Variants in MLIP observed in about 807,000 individuals in gnomAD.
The protein encoded by MLIP is muscular LMNA-interacting protein.
Under a neutral mutation model 84.8 loss-of-function variants are expected in MLIP, and 79 were observed. That is an observed-to-expected ratio of 0.93 (90% CI 0.78 to 1.12). MLIP has a LOEUF of 1.12. Ranked by LOEUF, MLIP falls within the 50% of genes most tolerant of loss-of-function variation. The probability of loss-of-function intolerance (pLI) is 0.00; values close to 1 mark genes in which losing one functional copy is unlikely to be tolerated. For missense variants in MLIP, 1,257 were observed against 1,160.6 expected (o/e 1.08, Z -1.21); for synonymous variants, 504 against 463.0 (o/e 1.09, Z -1.14).
At position 54,137,213 on chromosome 6, in the gene MLIP, T is replaced by C; in HGVS notation, c.1144T>C (p.Ser382Pro). The C allele has an allele frequency of 6.5e-7, 1 of 1,535,934 alleles. No homozygotes were observed. Among genetic ancestry groups the C allele is most frequent in the Non-Finnish European group, 8.7e-7 (1 of 1,146,864 alleles). Residue 382 changes from serine to proline, a missense_variant, in exon 4 of 14, where the codon TCC becomes CCC. Physicochemically the swap from Ser to Pro is moderately conservative, Grantham distance 74. Transcript: ENST00000502396. ...SLSPSPKPFTSSFHGSSSTIC... is the reference protein window; with the variant it reads ...SLSPSPKPFTPSFHGSSSTIC... ...CTCTCCGAGCCCCAAACCATTTACC[T>C]CCTCTTTCCACGGCTCTTCTTCCAC...
Position 54,153,049 on chromosome 6 carries a change from A to C in MLIP, c.2289+3922A>C, listed in dbSNP as rs536738371. Among the ~76,000 whole-genome samples, 7 of 152,288 alleles carry C rather than the reference A, an allele frequency of 4.6e-5. No homozygotes were observed. The South Asian group carries it at 1.4e-3, about 32-fold the overall frequency. ...TGGGGCTAGGTACAATGTTCCTAAT[A>C]AATGGCATTACTCTTTGCCATTTTC... On this transcript the variant is annotated intron_variant, in intron 5 of 13. Coordinates refer to ENST00000502396, the MANE Select transcript of MLIP (RefSeq NM_001281747.2).
intron 1 of MLIP, among the ~76,000 whole-genome samples, chr6:54,028,423 T>C (rs1763942744): frequency 1.3e-5 from 2 of 152,306 alleles, no homozygotes; most frequent in South Asian, 4.1e-4. Context: ...TAGGATTGCT[T>C]TCCTGAACCT....
At chr6:54,203,560 C>T (rs1016451196) in intron 11 of MLIP, 1 of 152,068 alleles carries the variant, frequency 6.6e-6, no homozygotes, top group Admixed American at 6.6e-5. Flanking sequence ...GGTGTTATCT[C>T]TCTAGGCTTC....
At chr6:54,180,922 A>T (rs572125953) in intron 9 of MLIP, among the ~76,000 whole-genome samples, 1 of 152,092 alleles carries the variant, frequency 6.6e-6, no homozygotes, top group African/African-American at 2.4e-5. Context: ...GTGTCTCAAC[A>T]TTGAAGAGTT....
intron 1 of MLIP, among the ~76,000 whole-genome samples, chr6:54,097,208 T>A (rs1768276851): frequency 6.6e-6 from 1 of 152,182 alleles, no homozygotes; most frequent in Admixed American, 6.5e-5. Context: ...TTGTTTGAGA[T>A]CTCTTCTTGC....
At chr6:54,027,469 T>C (rs1490413944) in intron 1 of MLIP, among the ~76,000 whole-genome samples, 1 of 152,168 alleles carries the variant, frequency 6.6e-6, no homozygotes, top group Non-Finnish European at 1.5e-5. Flanking sequence ...AAATGGTTTC[T>C]TTTATTCATT....
intron 11 of MLIP, chr6:54,217,281 C>G: frequency 1.0e-6 from 1 of 985,250 alleles, no homozygotes; most frequent in East Asian, 1.1e-4. Flanking sequence ...TTTAAAATGC[C>G]AGGATGGAAC....
chr6:54,165,107 C>T (rs945748555), intron 8 of MLIP, among the ~76,000 whole-genome samples: 1 of 151,870 alleles, frequency 6.6e-6, no homozygotes, highest in Non-Finnish European at 1.5e-5. Context: ...ATGCCTGGTG[C>T]CTGGGGTGGC....
At chr6:54,243,022 C>T (rs952306091) in intron 12 of MLIP, among the ~76,000 whole-genome samples, 1 of 152,144 alleles carries the variant, frequency 6.6e-6, no homozygotes, top group Non-Finnish European at 1.5e-5. Flanking sequence ...CACTGGAAAG[C>T]CAGCAGACAG....
At chr6:54,171,028 T>A (rs1389982695) in intron 9 of MLIP, among the ~76,000 whole-genome samples, 3 of 151,528 alleles carry the variant, frequency 2.0e-5, no homozygotes, top group Admixed American at 6.6e-5. Flanking sequence ...TTTTATCTAC[T>A]CTTGCCTTTC....
chr6:54,126,338 G>T (rs1381520641), intron 3 of MLIP, among the ~76,000 whole-genome samples: 3 of 151,838 alleles, frequency 2.0e-5, no homozygotes, highest in Non-Finnish European at 2.9e-5. Context: ...ATTTTTGTGT[G>T]TTCAAATATA....
chr6:54,216,787 A>G (rs1582530886), intron 11 of MLIP: 1 of 985,344 alleles, frequency 1.0e-6, no homozygotes, highest in Non-Finnish European at 1.2e-6. Context: ...AAGATATGCC[A>G]TATAATCGAA....
At chr6:54,166,759 C>G (rs936710062) in intron 8 of MLIP, among the ~76,000 whole-genome samples, 1 of 151,916 alleles carries the variant, frequency 6.6e-6, no homozygotes, top group Non-Finnish European at 1.5e-5. Context: ...GCCGACAACT[C>G]TATTTCTAGT....
At chr6:54,134,348 T>A (rs1771632929) in intron 3 of MLIP, among the ~76,000 whole-genome samples, 1 of 152,090 alleles carries the variant, frequency 6.6e-6, no homozygotes, top group Non-Finnish European at 1.5e-5. Flanking sequence ...GAGAATTTTA[T>A]AAAATATGGT....
chr6:54,106,629 A>G (rs1769039029), upstream of MLIP, among the ~76,000 whole-genome samples: 1 of 152,246 alleles, frequency 6.6e-6, no homozygotes, highest in Non-Finnish European at 1.5e-5. Context: ...GAAGAATAAT[A>G]TGAACTCATT....
intron 9 of MLIP, among the ~76,000 whole-genome samples, chr6:54,186,309 T>C (rs973157359): frequency 1.3e-5 from 2 of 152,220 alleles, no homozygotes; most frequent in Non-Finnish European, 2.9e-5. Flanking sequence ...GCCAAGCATA[T>C]TTATAATTAT....
chr6:54,264,262 A>G (rs1475944462), intron 13 of MLIP, among the ~76,000 whole-genome samples: 1 of 152,060 alleles, frequency 6.6e-6, no homozygotes, highest in Non-Finnish European at 1.5e-5. Context: ...TATTTTATTT[A>G]ATGTTATAAT....
intron 12 of MLIP, among the ~76,000 whole-genome samples, chr6:54,238,062 T>TA (rs1395446812): frequency 6.6e-6 from 1 of 152,192 alleles, no homozygotes; most frequent in Non-Finnish European, 1.5e-5. Flanking sequence ...ATTATTTTTT[T>TA]ATCTTTGAAG....
At chr6:54,107,543 G>A (rs1769107258), upstream of MLIP, among the ~76,000 whole-genome samples, 1 of 152,192 alleles carries the variant, frequency 6.6e-6, no homozygotes, top group Admixed American at 6.5e-5. Context: ...AGGAAAAAGG[G>A]CTGAGCAGAA....
Sources: allele counts gnomAD v4.1 joint callset (sites outside exome capture counted in the v4.1 genomes callset), GRCh38; gene constraint gnomAD v4.1.1; transcripts MANE v1.5; gene names NCBI Gene and HGNC (gene_info 2026-07-23, HGNC 2026-07-21).